The following EXOC4 variants were observed in gnomAD, a reference collection of about 807,000 sequenced individuals.
EXOC4 encodes the protein exocyst complex component 4, also known as SEC8-like 1.
Under a neutral mutation model 107.2 loss-of-function variants are expected in EXOC4, and 71 were observed. That is an observed-to-expected ratio of 0.66 (90% confidence interval 0.55 to 0.81). The LOEUF (loss-of-function observed/expected upper bound fraction) is 0.81. EXOC4 is among the 30% of genes least tolerant of loss of function. The probability of loss-of-function intolerance (pLI) is 0.00; values close to 1 mark genes in which losing one functional copy is unlikely to be tolerated. For synonymous variants in EXOC4, 456 were observed against 441.2 expected (o/e 1.03, Z -0.42); for missense variants, 1,108 against 1,189.6 (o/e 0.93, Z 1.01).
chr7:133,500,003 A>G (rs1490555390), intron 9 of EXOC4, among the ~76,000 whole-genome samples: 1 of 152,172 alleles, frequency 6.6e-6, no homozygotes, highest in Non-Finnish European at 1.5e-5. Context: ...GCTAAGGAAA[A>G]AAAAAACATG....
intron 10 of EXOC4, among the ~76,000 whole-genome samples, chr7:133,728,203 G>A (rs1184547850): frequency 6.6e-6 from 1 of 152,196 alleles, no homozygotes; most frequent in Admixed American, 6.5e-5. Context: ...GCATCAGGTG[G>A]AGAGAGAAAG....
intron 11 of EXOC4, among the ~76,000 whole-genome samples, chr7:133,875,716 A>G (rs1276973588): frequency 1.3e-5 from 2 of 152,080 alleles, no homozygotes; most frequent in Non-Finnish European, 2.9e-5. Context: ...TGTACCACAC[A>G]CTACCTTCAC....
chr7:133,826,296 T>C (rs1797701196), intron 11 of EXOC4, among the ~76,000 whole-genome samples: 1 of 152,236 alleles, frequency 6.6e-6, no homozygotes, highest in Admixed American at 6.5e-5. Flanking sequence ...CTATTACTTA[T>C]TTAGTACATT....
At chr7:133,439,275 C>G (rs558603855) in intron 7 of EXOC4, among the ~76,000 whole-genome samples, 9 of 150,822 alleles carry the variant, frequency 6.0e-5, no homozygotes, top group Non-Finnish European at 1.2e-4. Context: ...ACCTCCGCCT[C>G]CTGGGTTCAA....
chr7:133,329,482 G>GCT (rs1399328297), intron 5 of EXOC4, among the ~76,000 whole-genome samples: 24 of 152,244 alleles, frequency 1.6e-4, no homozygotes, highest in African/African-American at 5.5e-4. Flanking sequence ...GAGGAGTTGT[G>GCT]ATCCTTAGGA....
At chr7:134,085,334 A>AC in the EXOC4 span, among the ~76,000 whole-genome samples, 47 of 27,260 alleles carry the variant, frequency 1.7e-3, no homozygotes, top group East Asian at 0.05. Flanking sequence ...AAAAACAACA[A>AC]AAAAAAAAAA....
At chr7:133,621,819 AT>A (rs1802336515) in intron 9 of EXOC4, among the ~76,000 whole-genome samples, 1 of 152,230 alleles carries the variant, frequency 6.6e-6, no homozygotes, top group African/African-American at 2.4e-5. Flanking sequence ...TGAAGGGGAC[AT>A]TCAAACCATA....
chr7:133,345,003 G>A (rs1489088653), intron 5 of EXOC4, among the ~76,000 whole-genome samples: 1 of 152,112 alleles, frequency 6.6e-6, no homozygotes, highest in East Asian at 1.9e-4. Context: ...TGGTTTTTGT[G>A]TAGTTTTGCT....
At chr7:133,261,406 A>G (rs980559242) in intron 1 of EXOC4, among the ~76,000 whole-genome samples, 3 of 151,900 alleles carry the variant, frequency 2.0e-5, no homozygotes, top group Non-Finnish European at 2.9e-5. Context: ...TGCTGAGACT[A>G]TAGTTGTGTG....
chr7:133,672,117 C>T (rs764689626), intron 10 of EXOC4, among the ~76,000 whole-genome samples: 5 of 152,094 alleles, frequency 3.3e-5, no homozygotes, highest in South Asian at 4.1e-4. Context: ...ACAGGCCAGG[C>T]GTGGTGGCTC....
intron 13 of EXOC4, among the ~76,000 whole-genome samples, chr7:133,931,622 C>T (rs1800177408): frequency 1.3e-5 from 2 of 152,152 alleles, no homozygotes; most frequent in Admixed American, 6.5e-5. Flanking sequence ...TCTTCTCATA[C>T]ACGTTATATA....
chr7:133,705,679 T>G (rs1585091708), intron 10 of EXOC4, among the ~76,000 whole-genome samples: 1 of 152,188 alleles, frequency 6.6e-6, no homozygotes, highest in Non-Finnish European at 1.5e-5. Flanking sequence ...ACAGAAGCAC[T>G]GCAATACCCG....
chr7:133,779,576 A>G (rs147290238), intron 10 of EXOC4, among the ~76,000 whole-genome samples: 118 of 152,176 alleles, frequency 7.8e-4, no homozygotes, highest in African/African-American at 2.8e-3. Flanking sequence ...ACTTGGAGAA[A>G]TTTTCTGTAG....
At chr7:133,870,416 T>C (rs1798727371) in intron 11 of EXOC4, among the ~76,000 whole-genome samples, 1 of 152,206 alleles carries the variant, frequency 6.6e-6, no homozygotes, top group Non-Finnish European at 1.5e-5. Flanking sequence ...CCTCCAAAGA[T>C]TTCTAGTTGC....
chr7:133,758,806 C>T (rs1418564623), intron 10 of EXOC4, among the ~76,000 whole-genome samples: 2 of 152,140 alleles, frequency 1.3e-5, no homozygotes, highest in Non-Finnish European at 2.9e-5. Context: ...AATAACCTTA[C>T]TAAGATATAG....
chr7:133,655,567 A>G (rs1408080002), intron 10 of EXOC4, among the ~76,000 whole-genome samples: 1 of 151,978 alleles, frequency 6.6e-6, no homozygotes, highest in African/African-American at 2.4e-5. Flanking sequence ...TTATTTTTTT[A>G]CTTTTTAAAA....
intron 17 of EXOC4, among the ~76,000 whole-genome samples, chr7:134,048,632 T>C (rs904977721): frequency 1.3e-5 from 2 of 152,220 alleles, no homozygotes; most frequent in Non-Finnish European, 2.9e-5. Context: ...ATGTTCTCAC[T>C]GCTAGCCTTC....
At chr7:133,450,914 T>C (rs901056726) in intron 7 of EXOC4, among the ~76,000 whole-genome samples, 3 of 152,226 alleles carry the variant, frequency 2.0e-5, no homozygotes, top group African/African-American at 7.2e-5. Context: ...CTATTTCTAA[T>C]GGATGCAGGA....
intron 11 of EXOC4, among the ~76,000 whole-genome samples, chr7:133,848,582 G>A (rs1367397518): frequency 2.0e-5 from 3 of 152,184 alleles, no homozygotes; most frequent in African/African-American, 7.2e-5. Context: ...TATTGTCCCT[G>A]AATGCACACA....
Sources: allele counts gnomAD v4.1 joint callset (sites outside exome capture counted in the v4.1 genomes callset), GRCh38; gene constraint gnomAD v4.1.1; transcripts MANE v1.5; gene names NCBI Gene and HGNC (gene_info 2026-07-23, HGNC 2026-07-21).